Variants in HAL observed in about 807,000 individuals in gnomAD.
HAL encodes the protein histidase.
Under a neutral mutation model 81.1 loss-of-function variants are expected in HAL, and 85 were observed. The ratio of observed to expected loss-of-function variants is 1.05; its 90% CI spans 0.88 to 1.25. HAL has a LOEUF of 1.25. HAL is among the 50% of genes most tolerant of loss of function. The pLI is 0.00. For missense variants in HAL, 798 were observed against 836.6 expected (o/e 0.95, Z 0.57); for synonymous variants, 301 against 309.2 (o/e 0.97, Z 0.28).
chr12:95,980,462 TCTCA>T (rs1167666281), intron 17 of HAL, 90 bp downstream of exon 17: 17 of 1,177,244 alleles, frequency 1.4e-5, no homozygotes, highest in African/African-American at 1.2e-4. Context: ...AAAAGTTAGA[TCTCA>T]CTCACAGACC....
chr12:95,994,109 T>G lies in HAL; in HGVS notation c.392A>C (p.Lys131Thr). The G allele has an allele frequency of 6.2e-7, 1 of 1,613,338 alleles. No homozygotes were observed. The highest frequency in any genetic ancestry group is 8.5e-7 in the Non-Finnish European group (1 of 1,179,308). ...CCATACCTTTATTTTGTAGCGTCCCTTTCCCAAGTTGACCAGATCCTCCGT... is the reference window on the plus strand; with the variant it reads ...CCATACCTTTATTTTGTAGCGTCCCGTTCCCAAGTTGACCAGATCCTCCGT... ...LTTEDLVNLGKGRYKIKLTPT... is the reference protein window; with the variant it reads ...LTTEDLVNLGTGRYKIKLTPT... The change falls in exon 5 of 21, where the codon AAG becomes ACG. Residue 131 changes from lysine to threonine, a missense_variant. Coordinates refer to ENST00000261208, the MANE Select transcript of HAL (RefSeq NM_002108.4).
Position 95,992,723 on chromosome 12 carries a change from G to T in HAL, c.672C>A (p.Gly224=), listed in dbSNP as rs769991735. 1.2e-6 allele frequency: 2 copies of T among 1,612,468 alleles called. No homozygotes were observed. The highest frequency in any genetic ancestry group is 1.1e-5 in the South Asian group (1 of 91,058). Residue 224 remains glycine (G), a synonymous_variant, in exon 9 of 21, where the codon GGC becomes GGA. Coordinates refer to ENST00000261208, the MANE Select transcript of HAL (RefSeq NM_002108.4). Reference sequence around the variant, plus strand: ...CTTGTTTGAGGGTCTCCAGGGAAATGCCACTGTATCCTTTGGCTAAGACAT... The same window carrying T: ...CTTGTTTGAGGGTCTCCAGGGAAATTCCACTGTATCCTTTGGCTAAGACAT... ...RINVLAKGYS[G]ISLETLKQVI...
chr12:95,984,283 A>G (rs908141445), intron 14 of HAL, among the ~76,000 whole-genome samples: 8 of 152,232 alleles, frequency 5.3e-5, no homozygotes, highest in Non-Finnish European at 4.4e-5. Context: ...ACACAGGCAG[A>G]TTCACTCCCA....
In HAL at chr12:95,976,637, G is replaced by A. The variant is rs141674733; in HGVS notation, c.1724C>T (p.Pro575Leu). The part of the protein sequence containing the change: ...EFLRPLKTTT[P>L]LEKVYDLVRS... ...CACCAGGTCATAGACCTTCTCCAGC[G>A]GAGTGGTTGTTTTCAGGGGACGTAG... The change falls in exon 19 of 21, where the codon CCG (proline) becomes CTG (leucine). Residue 575 changes from proline (P) to leucine (L), a missense_variant. Pro to Leu is a moderately conservative substitution (Grantham distance 98, BLOSUM62 -3). Transcript: ENST00000261208. 839 of 1,612,728 alleles carry A rather than the reference G, an allele frequency of 5.2e-4. 1 individual carries two copies. Among genetic ancestry groups the A allele is most frequent in the East Asian group, 1.6e-3 (74 of 44,884 alleles).
chr12:95,975,182 G>A (rs977272661), intron 20 of HAL, among the ~76,000 whole-genome samples: 4 of 152,180 alleles, frequency 2.6e-5, no homozygotes, highest in African/African-American at 9.7e-5. Context: ...TGCAGTATCA[G>A]CATCACCTGG....
At chr12:95,983,427 A>G (rs1949834859) in intron 15 of HAL, among the ~76,000 whole-genome samples, 1 of 152,142 alleles carries the variant, frequency 6.6e-6, no homozygotes, top group South Asian at 2.1e-4. Context: ...CCTCAGGATG[A>G]GGAAGCCATA....
At chr12:95,983,624 C>T in intron 15 of HAL, 1 of 462,428 alleles carries the variant, frequency 2.2e-6, no homozygotes, top group South Asian at 2.4e-5. Flanking sequence ...CTTCAGGAAA[C>T]ATGTCAGCCA....
In HAL at chr12:95,978,007, G is replaced by C; in HGVS notation, c.1591C>G (p.His531Asp). ...SLSTSAATEDHVSMGGWAARK... is the reference protein window; with the variant it reads ...SLSTSAATEDDVSMGGWAARK... ...GCTGCCCATCCTCCCATGGAGACGT[G>C]GTCCTCCGTGGCTGCGCTGGTGGAG... Residue 531 changes from histidine (H) to aspartate (D), a missense_variant, in exon 18 of 21, where the codon CAC becomes GAC. Coordinates refer to ENST00000261208, the MANE Select transcript of HAL (RefSeq NM_002108.4). 1 of 1,612,852 alleles carries C rather than the reference G, an allele frequency of 6.2e-7. No individual in the cohort carries two copies. Among genetic ancestry groups the C allele is most frequent in the Non-Finnish European group, 8.5e-7 (1 of 1,178,776 alleles).
At chr12:95,981,800 C>A (rs977649632) in intron 15 of HAL, among the ~76,000 whole-genome samples, 1 of 152,206 alleles carries the variant, frequency 6.6e-6, no homozygotes, top group Non-Finnish European at 1.5e-5. Flanking sequence ...CTTAAACCAG[C>A]AAGCACCCAG....
intron 8 of HAL, among the ~76,000 whole-genome samples, chr12:95,993,054 C>T (rs140946043): frequency 6.6e-6 from 1 of 152,322 alleles, no homozygotes; most frequent in East Asian, 1.9e-4. Flanking sequence ...CAGTGAACCC[C>T]TGACCTCCCA....
rs747617439 is a variant in HAL, at chr12:95,995,957, G to T, written c.-47C>A. 15 of 1,594,500 alleles carry T rather than the reference G, an allele frequency of 9.4e-6. No individual in the cohort carries two copies. The highest frequency in any genetic ancestry group is 1.3e-5 in the Non-Finnish European group (15 of 1,176,378). On this transcript the variant is annotated 5_prime_UTR_variant, in exon 2 of 21. Coordinates refer to ENST00000261208, the MANE Select transcript of HAL (RefSeq NM_002108.4). Reference sequence around the variant, plus strand: ...CCTCAGCTGGTCACAGGAGGGGAGAGCTTTATGCAGGAGTGGCTACCGGGG... The same window carrying T: ...CCTCAGCTGGTCACAGGAGGGGAGATCTTTATGCAGGAGTGGCTACCGGGG...
intron 14 of HAL, among the ~76,000 whole-genome samples, chr12:95,984,526 T>C (rs1198440597): frequency 6.6e-6 from 1 of 152,254 alleles, no homozygotes; most frequent in African/African-American, 2.4e-5. Context: ...GCAGCTACGC[T>C]GTACAAACCC....
chr12:95,980,752 T>C lies in HAL; in HGVS notation c.1354-31A>G, dbSNP rs376756376. The C allele has an allele frequency of 7.3e-5, 118 of 1,607,528 alleles. No homozygotes were observed. The African/African-American group carries it at 1.4e-3, about 19-fold the overall frequency. On this transcript the variant is annotated intron_variant, in intron 16 of 20. Coordinates refer to ENST00000261208, the MANE Select transcript of HAL (RefSeq NM_002108.4). Reference sequence around the variant, plus strand: ...AGAGGGTCTCCATTTAGTCAGCCTATATTGAAATGTGCCTTCTGGGTCAGG... The same window carrying C: ...AGAGGGTCTCCATTTAGTCAGCCTACATTGAAATGTGCCTTCTGGGTCAGG...
intron 9 of HAL, among the ~76,000 whole-genome samples, chr12:95,990,875 C>T (rs549568294): frequency 3.9e-4 from 59 of 152,192 alleles, no homozygotes; most frequent in African/African-American, 1.3e-3. Context: ...TTTGGGAGGC[C>T]GAGGCGGGCA....
Position 95,988,215 on chromosome 12 carries a change from G to T in HAL, c.881C>A (p.Pro294Gln). 2 of 1,519,800 alleles carry T rather than the reference G, an allele frequency of 1.3e-6. No homozygotes were observed. The highest frequency in any genetic ancestry group is 1.8e-6 in the Non-Finnish European group (2 of 1,094,436). 94.1% of individuals were successfully genotyped at this position (1,519,800 alleles called of 1,614,324 possible). ...KYVLEAHGLK[P>Q]VILKPKEGLA... Reference sequence around the variant, plus strand: ...TACCTCTTTTGGTTTTAAAATAACTGGTTTCAATCCATGGGCTTCTAGCAC... The same window carrying T: ...TACCTCTTTTGGTTTTAAAATAACTTGTTTCAATCCATGGGCTTCTAGCAC... The change falls in exon 11 of 21, where the codon CCA becomes CAA. Residue 294 changes from proline (P) to glutamine (Q), a missense_variant. Transcript: ENST00000261208.
intron 17 of HAL, among the ~76,000 whole-genome samples, chr12:95,980,285 A>G (rs1312295908): frequency 6.6e-6 from 1 of 152,246 alleles, no homozygotes; most frequent in East Asian, 1.9e-4. Context: ...TTCATATGCA[A>G]TGTCAAATTG....
chr12:95,982,964 C>A (rs1242432562), intron 15 of HAL, among the ~76,000 whole-genome samples: 1 of 152,214 alleles, frequency 6.6e-6, no homozygotes, highest in Non-Finnish European at 1.5e-5. Flanking sequence ...CAGAGAAAAA[C>A]CAGATGGCTC....
At chr12:95,996,024 C>T (rs1327104183) in intron 1 of HAL, 33 bp from the exon 2 acceptor site, 1 of 985,136 alleles carries the variant, frequency 1.0e-6, no homozygotes, top group Non-Finnish European at 1.6e-6. Flanking sequence ...TCAAACCACT[C>T]CCCCTCCTTC....
intron 10 of HAL, among the ~76,000 whole-genome samples, chr12:95,988,737 G>A (rs1005358419): frequency 1.3e-5 from 2 of 152,130 alleles, no homozygotes; most frequent in African/African-American, 4.8e-5. Context: ...GCACATGTGT[G>A]AGCACCAATG....
Sources: gnomAD v4.1 joint callset for allele counts (sites outside exome capture counted in the v4.1 genomes callset) on GRCh38, gnomAD v4.1.1 for gene constraint, MANE v1.5 for transcripts, NCBI Gene and HGNC (gene_info 2026-07-23, HGNC 2026-07-21) for gene names.